The following CCDC170 variants were observed in gnomAD, a reference collection of about 807,000 sequenced individuals.
The protein encoded by CCDC170 is coiled-coil domain containing 170.
In CCDC170, 69 loss-of-function variants were observed where a neutral mutation model predicts 72.6. The ratio of observed to expected loss-of-function variants is 0.95; its 90% confidence interval spans 0.78 to 1.16. The LOEUF (loss-of-function observed/expected upper bound fraction) is 1.16, where lower values mean the gene tolerates loss of function less well. Among genes scored for constraint, CCDC170 ranks in the 50% most tolerant of loss-of-function variants. The pLI, the probability that CCDC170 is intolerant of heterozygous loss-of-function variation, is 0.00. For synonymous variants in CCDC170, 300 were observed against 303.9 expected (o/e 0.99, Z 0.13); for missense variants, 852 against 832.5 (o/e 1.02, Z -0.29).
At chr6:151,570,987 C>A (rs73783074) in intron 5 of CCDC170, among the ~76,000 whole-genome samples, 3,346 of 152,270 alleles carry the variant, frequency 0.022, 113 homozygotes, top group African/African-American at 0.076. Flanking sequence ...CTGAAAAGGG[C>A]AGGCTTCTCT....
intron 6 of CCDC170, among the ~76,000 whole-genome samples, chr6:151,579,529 G>T (rs1336081391): frequency 6.6e-6 from 1 of 152,068 alleles, no homozygotes; most frequent in South Asian, 2.1e-4. Flanking sequence ...AGCGATCTAC[G>T]TATTAGTGGT....
chr6:151,517,239 G>A (rs1782248451), intron 1 of CCDC170, among the ~76,000 whole-genome samples: 1 of 152,072 alleles, frequency 6.6e-6, no homozygotes, highest in Non-Finnish European at 1.5e-5. Context: ...GGCTGAGGCA[G>A]GAGAATTGCT....
intron 1 of CCDC170, among the ~76,000 whole-genome samples, chr6:151,510,002 A>G (rs903694567): frequency 9.2e-5 from 14 of 152,196 alleles, no homozygotes; most frequent in African/African-American, 3.4e-4. Flanking sequence ...GCGCGCCTGT[A>G]ATCCCAGCTA....
chr6:151,549,217 A>G (rs994310694), intron 5 of CCDC170, among the ~76,000 whole-genome samples: 1 of 151,984 alleles, frequency 6.6e-6, no homozygotes, highest in Non-Finnish European at 1.5e-5. Context: ...ATTTTTGTTT[A>G]ATAGAGACAG....
chr6:151,600,727 T>A (rs899551748), intron 9 of CCDC170, among the ~76,000 whole-genome samples: 4 of 152,178 alleles, frequency 2.6e-5, no homozygotes, highest in East Asian at 1.9e-4. Context: ...GGTTTTTTTT[T>A]AAATGAGAAA....
At chr6:151,580,504 G>T (rs1189110683) in intron 6 of CCDC170, among the ~76,000 whole-genome samples, 1 of 152,068 alleles carries the variant, frequency 6.6e-6, no homozygotes, top group Non-Finnish European at 1.5e-5. Flanking sequence ...TACTAATATA[G>T]CTATGAATGT....
rs1776567067 is a variant in CCDC170, at chr6:151,593,119, C to A, written c.1306C>A (p.Leu436Met). The A allele has an allele frequency of 1.2e-6, 2 of 1,614,026 alleles. No homozygotes were observed. The highest frequency in any genetic ancestry group is 2.7e-5 in the African/African-American group (2 of 74,926). ...NFEKQKYLKF[L>M]DQLSQKMKLD... ...TTCTTGGGTTTAGTATCTTAAATTTCTGGATCAGCTTTCTCAGAAAATGAA... is the reference window on the plus strand; with the variant it reads ...TTCTTGGGTTTAGTATCTTAAATTTATGGATCAGCTTTCTCAGAAAATGAA... The change falls in exon 8 of 11, where the codon CTG (leucine) becomes ATG (methionine). Residue 436 changes from leucine to methionine, a missense_variant. Physicochemically the swap from Leu to Met is conservative, Grantham distance 15. Coordinates refer to ENST00000239374, the MANE Select transcript of CCDC170 (RefSeq NM_025059.4).
chr6:151,600,807 G>A (rs943789949), intron 9 of CCDC170, among the ~76,000 whole-genome samples: 2 of 151,906 alleles, frequency 1.3e-5, no homozygotes, highest in Non-Finnish European at 1.5e-5. Flanking sequence ...TGACAAGGTT[G>A]TACAAACATC....
In CCDC170 at chr6:151,620,564, G is replaced by C. The variant is rs1432096390; in HGVS notation, c.*2417G>C. ...TCGAAAATCACCTTGAGTGGAGGAA[G>C]TGACTTCACTGGGTCTCTGGAGGCT... On this transcript the variant is annotated 3_prime_UTR_variant, in exon 11 of 11. Coordinates refer to ENST00000239374, the MANE Select transcript of CCDC170 (RefSeq NM_025059.4). 1 of 152,204 alleles carries C rather than the reference G, an allele frequency of 6.6e-6. No homozygotes were observed. The highest frequency in any genetic ancestry group is 1.5e-5 in the Non-Finnish European group (1 of 68,072). The allele number at this position is 152,204 out of a possible 1,614,324, so 9.4% of individuals were successfully genotyped here.
chr6:151,573,089 A>T, intron 5 of CCDC170, 85 bp from the exon 6 acceptor site: 1 of 1,265,856 alleles, frequency 7.9e-7, no homozygotes, highest in Non-Finnish European at 1.1e-6. Flanking sequence ...ATTAGCAGGC[A>T]AAGTCAATGA....
At chr6:151,609,566 C>A (rs530006615) in intron 9 of CCDC170, among the ~76,000 whole-genome samples, 1 of 152,336 alleles carries the variant, frequency 6.6e-6, no homozygotes, top group Admixed American at 6.5e-5. Flanking sequence ...ACACTTGGAA[C>A]CTTCTCTGCC....
intron 1 of CCDC170, among the ~76,000 whole-genome samples, chr6:151,518,842 A>G (rs981605235): frequency 6.6e-6 from 1 of 152,148 alleles, no homozygotes; most frequent in Non-Finnish European, 1.5e-5. Flanking sequence ...TTAAAAGGGG[A>G]AGGGGTGTAC....
At chr6:151,575,810 G>C (rs932385167) in intron 6 of CCDC170, among the ~76,000 whole-genome samples, 1 of 152,042 alleles carries the variant, frequency 6.6e-6, no homozygotes, top group Non-Finnish European at 1.5e-5. Flanking sequence ...TTATAGGCGT[G>C]AGCCACCGTG....
At position 151,494,230 on chromosome 6, in the gene CCDC170, T is replaced by C. The variant is rs533414921; in HGVS notation, c.57+45T>C. 927 of 1,472,976 alleles carry C rather than the reference T, an allele frequency of 6.3e-4. 12 individuals are homozygous for C. In the South Asian group the frequency reaches 0.011, roughly 18 times the overall value. The allele number at this position is 1,472,976 out of a possible 1,614,324, so 91.2% of individuals were successfully genotyped here. Reference sequence around the variant, plus strand: ...CCGCGCGCGGGGGTGGCCCTGGGGATAGACGACCCAGGAGGGGCCGAGGCG... The same window carrying C: ...CCGCGCGCGGGGGTGGCCCTGGGGACAGACGACCCAGGAGGGGCCGAGGCG... On this transcript the variant is annotated intron_variant, in intron 1 of 10. Coordinates refer to ENST00000239374, the MANE Select transcript of CCDC170 (RefSeq NM_025059.4).
At position 151,590,254 on chromosome 6, in the gene CCDC170, A is replaced by AT. The variant is rs570359373; in HGVS notation, c.1294-2847dup. Among the ~76,000 whole-genome samples the AT allele has an allele frequency of 1.9e-3, 289 of 152,242 alleles. 1 individual carries two copies. The highest frequency in any genetic ancestry group is 6.8e-3 in the African/African-American group (281 of 41,542). ...AAGCTTCTTAAGGCCAGAAAAAATCATTTTTTCCTGTATTTCTCCAGGGCC... is the reference window on the plus strand; with the variant it reads ...AAGCTTCTTAAGGCCAGAAAAAATCATTTTTTTCCTGTATTTCTCCAGGGCC... On this transcript the variant is annotated intron_variant, in intron 7 of 10. Coordinates refer to ENST00000239374, the MANE Select transcript of CCDC170 (RefSeq NM_025059.4).
intron 5 of CCDC170, among the ~76,000 whole-genome samples, chr6:151,563,371 C>A (rs977001284): frequency 2.0e-5 from 3 of 152,160 alleles, no homozygotes; most frequent in East Asian, 1.9e-4. Flanking sequence ...GTACTTGGCA[C>A]CTTATCTGTG....
chr6:151,509,230 C>CTATCTATG, intron 1 of CCDC170, among the ~76,000 whole-genome samples: 1 of 150,858 alleles, frequency 6.6e-6, no homozygotes. Flanking sequence ...ATGTATCTAT[C>CTATCTATG]TATCTATCTA....
chr6:151,576,256 G>A (rs1776300526), intron 6 of CCDC170, among the ~76,000 whole-genome samples: 1 of 152,178 alleles, frequency 6.6e-6, no homozygotes, highest in African/African-American at 2.4e-5. Flanking sequence ...AGTGTTCTGA[G>A]CACTTTTAAG....
intron 5 of CCDC170, among the ~76,000 whole-genome samples, chr6:151,565,210 G>A (rs1189569270): frequency 1.3e-5 from 2 of 152,176 alleles, no homozygotes; most frequent in East Asian, 1.9e-4. Context: ...GGGCTGTTGG[G>A]CCCCAAGGCA....
Sources: gnomAD v4.1 joint callset for allele counts (sites outside exome capture counted in the v4.1 genomes callset) on GRCh38, gnomAD v4.1.1 for gene constraint, MANE v1.5 for transcripts, NCBI Gene and HGNC (gene_info 2026-07-23, HGNC 2026-07-21) for gene names.